The following ARHGAP32 variants were observed in gnomAD, a reference collection of about 807,000 sequenced individuals.
ARHGAP32 encodes the protein Rho GTPase activating protein 32.
Under a neutral mutation model 186.5 loss-of-function variants are expected in ARHGAP32, and 51 were observed. The ratio of observed to expected loss-of-function variants is 0.27; its 90% CI spans 0.22 to 0.35. The LOEUF (loss-of-function observed/expected upper bound fraction) is 0.35. Among genes scored for constraint, ARHGAP32 ranks in the 10% least tolerant of loss-of-function variants. The pLI is 1.00. For missense variants in ARHGAP32, 2,186 were observed against 2,623.5 expected, an observed-to-expected ratio of 0.83 and a Z score of 3.64; for synonymous variants, 950 against 964.3, an observed-to-expected ratio of 0.99 and a Z score of 0.27.
intron 1 of ARHGAP32, among the ~76,000 whole-genome samples, chr11:129,166,928 T>A (rs1021942235): frequency 6.6e-6 from 1 of 152,132 alleles, no homozygotes; most frequent in African/African-American, 2.4e-5. Flanking sequence ...GTCAAACAGT[T>A]TAGGATTTCT....
At chr11:129,258,592 C>G (rs1046328664) in intron 1 of ARHGAP32, among the ~76,000 whole-genome samples, 3 of 152,150 alleles carry the variant, frequency 2.0e-5, no homozygotes, top group African/African-American at 7.2e-5. Flanking sequence ...GAACTAGCCT[C>G]CCAGATAACC....
At chr11:129,219,369 T>C (rs1158663381) in intron 1 of ARHGAP32, among the ~76,000 whole-genome samples, 2 of 152,216 alleles carry the variant, frequency 1.3e-5, no homozygotes, top group Non-Finnish European at 2.9e-5. Flanking sequence ...TTACAAAGCA[T>C]ATCTTTTCCT....
At chr11:129,223,095 T>C (rs1168717600) in intron 1 of ARHGAP32, among the ~76,000 whole-genome samples, 7 of 152,230 alleles carry the variant, frequency 4.6e-5, no homozygotes, top group African/African-American at 1.7e-4. Context: ...GTAATCAATA[T>C]TCTAAAATTA....
chr11:128,994,479 C>G (rs1467526046), intron 12 of ARHGAP32, among the ~76,000 whole-genome samples: 1 of 152,080 alleles, frequency 6.6e-6, no homozygotes, highest in Non-Finnish European at 1.5e-5. Flanking sequence ...ATGATCACAT[C>G]TAAGCAAGGT....
chr11:129,271,612 T>A (rs1945473431), intron 1 of ARHGAP32, among the ~76,000 whole-genome samples: 1 of 152,086 alleles, frequency 6.6e-6, no homozygotes, highest in African/African-American at 2.4e-5. Context: ...GAAATAAGAA[T>A]TTGAGCCTCA....
At chr11:129,229,585 A>G (rs1286933250) in intron 1 of ARHGAP32, among the ~76,000 whole-genome samples, 1 of 152,128 alleles carries the variant, frequency 6.6e-6, no homozygotes, top group African/African-American at 2.4e-5. Flanking sequence ...CTTAACTGCA[A>G]ATTTAAGGCT....
chr11:129,240,415 C>G (rs983501783), intron 1 of ARHGAP32, among the ~76,000 whole-genome samples: 2 of 152,096 alleles, frequency 1.3e-5, no homozygotes, highest in African/African-American at 2.4e-5. Flanking sequence ...CTGGAATGAC[C>G]CTTCCCTAAT....
intron 1 of ARHGAP32, among the ~76,000 whole-genome samples, chr11:129,205,654 T>A (rs556132956): frequency 6.6e-6 from 1 of 152,230 alleles, no homozygotes; most frequent in East Asian, 1.9e-4. Flanking sequence ...AAGTCCTATA[T>A]AGATGTTCAA....
chr11:129,216,850 T>C (rs1210107506), intron 1 of ARHGAP32, among the ~76,000 whole-genome samples: 6 of 152,004 alleles, frequency 3.9e-5, no homozygotes, highest in African/African-American at 1.4e-4. Flanking sequence ...TCTAAAATTA[T>C]TAATTTCTAC....
At chr11:129,221,492 TGTGTGTGTGTGTG>T (rs1288217726) in intron 1 of ARHGAP32, among the ~76,000 whole-genome samples, 1 of 62,760 alleles carries the variant, frequency 1.6e-5, no homozygotes, top group Non-Finnish European at 3.8e-5. Context: ...TGTGTGTGTG[TGTGTGTGTGTGTG>T]TGTGTGTGTG....
intron 11 of ARHGAP32, among the ~76,000 whole-genome samples, chr11:129,039,462 G>A (rs1362405284): frequency 6.6e-6 from 1 of 152,152 alleles, no homozygotes; most frequent in African/African-American, 2.4e-5. Context: ...AGTAAAAGAA[G>A]CCCATCACAA....
rs190704993 is a variant in ARHGAP32 at position 129,003,571 on chromosome 11, G to A, written c.1046-5103C>T. ...ATTTTGATCTCATTATTTGTTATTG[G>A]TCTGTTCAGGTTTTGGATTTCTTCA... is the stretch of plus-strand genomic sequence containing the variant. On this transcript the variant is annotated intron_variant, in intron 11 of 22. Coordinates refer to ENST00000682385, the MANE Select transcript of ARHGAP32 (RefSeq NM_001378024.1). Among the ~76,000 whole-genome samples the A allele has an allele frequency of 1.2e-3, 184 of 152,188 alleles. 2 individuals carry two copies. Among genetic ancestry groups the A allele is most frequent in the Middle Eastern group, 3.4e-3 (1 of 294 alleles).
At chr11:128,975,027 A>C in intron 20 of ARHGAP32, 25 bp from the exon 21 acceptor site, 1 of 1,576,930 alleles carries the variant, frequency 6.3e-7, no homozygotes, top group East Asian at 2.2e-5. Flanking sequence ...TAACAGTGTC[A>C]AAGTAAGAAC....
intron 3 of ARHGAP32, 85 bp downstream of exon 3, chr11:129,124,718 G>A: frequency 9.4e-7 from 1 of 1,058,892 alleles, no homozygotes; most frequent in Non-Finnish European, 1.4e-6. Context: ...TTTGTAAAAA[G>A]TCTAAATAAA....
chr11:129,178,990 A>G (rs1943985489), intron 1 of ARHGAP32, among the ~76,000 whole-genome samples: 3 of 151,916 alleles, frequency 2.0e-5, no homozygotes, highest in Non-Finnish European at 2.9e-5. Context: ...AGAAACTACC[A>G]TCAGAGTGAA....
chr11:129,215,064 C>T (rs1053821780), intron 1 of ARHGAP32, among the ~76,000 whole-genome samples: 3 of 152,200 alleles, frequency 2.0e-5, no homozygotes, highest in Non-Finnish European at 4.4e-5. Context: ...ACATCCTCTA[C>T]TCAGGTGTTA....
intron 6 of ARHGAP32, 130 bp from the exon 7 acceptor site, chr11:129,066,998 G>C: frequency 5.4e-6 from 4 of 738,862 alleles, no homozygotes; most frequent in Non-Finnish European, 8.5e-6. Flanking sequence ...CTATTAACTT[G>C]ATAGTTAATA....
At chr11:129,193,546 TA>T (rs1944314271), upstream of ARHGAP32, among the ~76,000 whole-genome samples, 1 of 22,878 alleles carries the variant, frequency 4.4e-5, no homozygotes, top group Non-Finnish European at 8.0e-5. Flanking sequence ...ATATATTATA[TA>T]TAATATATAT....
At chr11:129,263,495 G>A (rs917950573) in intron 1 of ARHGAP32, among the ~76,000 whole-genome samples, 4 of 151,708 alleles carry the variant, frequency 2.6e-5, no homozygotes, top group Admixed American at 1.3e-4. Flanking sequence ...ACTATCATTA[G>A]GGAAAGGCAA....
Sources: gnomAD v4.1 joint callset for allele counts (sites outside exome capture counted in the v4.1 genomes callset) on GRCh38, gnomAD v4.1.1 for gene constraint, MANE v1.5 for transcripts, NCBI Gene and HGNC (gene_info 2026-07-23, HGNC 2026-07-21) for gene names.